Variants in NBPF12 observed in about 807,000 individuals in gnomAD.
NBPF12 encodes the protein NBPF member 12, also known as NBPF family member NBPF12.
NBPF12 carries 115 observed loss-of-function variants against 146.4 expected under a neutral mutation model. The ratio of observed to expected loss-of-function variants is 0.79; its 90% CI spans 0.68 to 0.92. The LOEUF is 0.92. Ranked by LOEUF, NBPF12 falls within the 40% of genes least tolerant of loss-of-function variation. The pLI is 0.00. For synonymous variants in NBPF12, 385 were observed against 508.9 expected, an observed-to-expected ratio of 0.76 and a Z score of 3.28; for missense variants, 1,205 against 1,326.8, an observed-to-expected ratio of 0.91 and a Z score of 1.43.
chr1:146,940,635 TGGG>T (rs1654759035), intron 1 of NBPF12, among the ~76,000 whole-genome samples: 1 of 151,856 alleles, frequency 6.6e-6, no homozygotes, highest in Non-Finnish European at 1.5e-5. Context: ...ATTACTATAT[TGGG>T]GTATATATGT....
rs1488977121 is a variant in NBPF12, at chr1:146,938,999, A to T, written c.-822+17A>T. The T allele has an allele frequency of 3.3e-5, 5 of 152,366 alleles. No individual in the cohort carries two copies. The East Asian group carries it at 9.7e-4, about 29-fold the overall frequency. 9.4% of individuals were successfully genotyped at this position (152,366 alleles called of 1,614,324 possible). A position where few individuals can be genotyped will look rare whatever the true frequency, so the allele number is the denominator to read the frequency against. On this transcript the variant is annotated intron_variant, in intron 1 of 35. Coordinates refer to the NBPF12 transcript ENST00000617931. ...GTTCCGGAGGTGAGGGCGCCGCGCC[A>T]GGCCGGGCGGCAGGTGAGTCTGGGA...
intron 2 of NBPF12, among the ~76,000 whole-genome samples, chr1:146,952,533 C>G (rs1277765868): frequency 5.3e-5 from 8 of 150,898 alleles, no homozygotes; most frequent in Non-Finnish European, 1.2e-4. Context: ...ATCTTGACTC[C>G]TGGTTGAGTG....
chr1:146,964,071 ACAGCTGC>A (rs1656033371), intron 6 of NBPF12, among the ~76,000 whole-genome samples: 1 of 132,048 alleles, frequency 7.6e-6, no homozygotes, highest in South Asian at 3.0e-4. Context: ...GATGGGGGAG[ACAGCTGC>A]CAAAGTCCAG....
intron 2 of NBPF12, among the ~76,000 whole-genome samples, chr1:146,955,015 C>T (rs1357901126): frequency 4.5e-4 from 33 of 73,848 alleles, no homozygotes; most frequent in Non-Finnish European, 7.0e-4. Context: ...TATATATATA[C>T]ACACACACAC....
chr1:146,948,377 G>A (rs1291740766), upstream of NBPF12, among the ~76,000 whole-genome samples: 1 of 151,734 alleles, frequency 6.6e-6, no homozygotes, highest in Admixed American at 6.6e-5. Context: ...AGACATAAGA[G>A]ACTCCATTTT....
intron 20 of NBPF12, chr1:146,983,436 G>C: frequency 6.2e-6 from 3 of 481,214 alleles, no homozygotes; most frequent in Non-Finnish European, 7.0e-6. Context: ...AATGTCTCTT[G>C]CCAGCTACAA....
At chr1:146,960,765 G>C (rs1471162187) in intron 4 of NBPF12, among the ~76,000 whole-genome samples, 3 of 151,994 alleles carry the variant, frequency 2.0e-5, no homozygotes, top group Non-Finnish European at 4.4e-5. Context: ...GGGGAACTTG[G>C]TGATAGTACC....
chr1:146,970,735 C>A lies in NBPF12; in HGVS notation c.1379+16C>A. The A allele has an allele frequency of 7.5e-7, 1 of 1,333,176 alleles. No individual in the cohort carries two copies. Among genetic ancestry groups the A allele is most frequent in the Non-Finnish European group, 1.1e-6 (1 of 926,512 alleles). The allele number at this position is 1,333,176 out of a possible 1,614,324, so 82.6% of individuals were successfully genotyped here. A position where few individuals can be genotyped will look rare whatever the true frequency, so the allele number is the denominator to read the frequency against. ...CTTCCCCCAGGTGACACTGAATACT[C>A]AGGAGCAAGTAATGGGTGTTAACAT... On this transcript the variant is annotated intron_variant, in intron 12 of 33. Coordinates refer to ENST00000617844, the Ensembl canonical transcript of NBPF12.
intron 6 of NBPF12, 109 bp from the exon 10 acceptor site, chr1:146,964,248 G>A: frequency 2.0e-6 from 3 of 1,516,424 alleles, no homozygotes; most frequent in East Asian, 2.3e-5. Flanking sequence ...AGAGTTTTCA[G>A]TACAATGCTG....
At chr1:146,992,037 C>T (rs1658196523) in exon 31 of NBPF12, 1 of 553,146 alleles carries the variant, frequency 1.8e-6, no homozygotes, top group African/African-American at 2.5e-5. Context: ...CAAGGCCCAC[C>T]ATGCCCCAGG....
chr1:146,948,072 G>C (rs1469627550), upstream of NBPF12, among the ~76,000 whole-genome samples: 1 of 151,826 alleles, frequency 6.6e-6, no homozygotes, highest in East Asian at 1.9e-4. Context: ...ATGCAACGGC[G>C]CCATCTCAGC....
Position 146,970,727 on chromosome 1 carries a change from T to G in NBPF12, c.1379+8T>G, listed in dbSNP as rs1180712907. ...GGAATCATCTTCCCCCAGGTGACAC[T>G]GAATACTCAGGAGCAAGTAATGGGT... On this transcript the variant is annotated splice_region_variant and intron_variant, in intron 12 of 33. Coordinates refer to ENST00000617844, the Ensembl canonical transcript of NBPF12. 7.4e-7 allele frequency: 1 copy of G among 1,349,388 alleles called. No individual in the cohort carries two copies. Among genetic ancestry groups the G allele is most frequent in the Non-Finnish European group, 1.1e-6 (1 of 941,460 alleles). The allele number at this position is 1,349,388 out of a possible 1,614,324, so 83.6% of individuals were successfully genotyped here. A position where few individuals can be genotyped will look rare whatever the true frequency, so the allele number is the denominator to read the frequency against.
At chr1:146,953,477 G>C (rs1403038095) in intron 2 of NBPF12, among the ~76,000 whole-genome samples, 2 of 133,706 alleles carry the variant, frequency 1.5e-5, no homozygotes, top group Non-Finnish European at 3.1e-5. Context: ...CCAAAGTGCT[G>C]GGATTACAGG....
chr1:146,962,304 T>C, intron 5 of NBPF12, 41 bp downstream of exon 8: 2 of 1,528,918 alleles, frequency 1.3e-6, no homozygotes, highest in Non-Finnish European at 9.0e-7. Flanking sequence ...GGTAGGTGTG[T>C]AGATCTCTGA....
At chr1:146,954,991 T>C (rs1570827668) in intron 2 of NBPF12, among the ~76,000 whole-genome samples, 4 of 63,040 alleles carry the variant, frequency 6.3e-5, no homozygotes, top group Admixed American at 2.2e-4. Context: ...TATATATATA[T>C]ATATATATAT....
chr1:146,945,014 C>CCCTCCCTTCCTT (rs1654976203), upstream of NBPF12, among the ~76,000 whole-genome samples: 3 of 32,110 alleles, frequency 9.3e-5, no homozygotes, highest in Admixed American at 4.4e-4. Flanking sequence ...CTTCCTTCCT[C>CCCTCCCTTCCTT]CCTCCCTCCC....
intron 6 of NBPF12, 27 bp from the exon 10 acceptor site, chr1:146,964,330 A>G: frequency 6.5e-7 from 1 of 1,528,024 alleles, no homozygotes; most frequent in East Asian, 2.2e-5. Flanking sequence ...AGTGGGACAT[A>G]TCTGAATGAA....
In NBPF12 at chr1:146,969,659, A is replaced by T. The variant is rs1473332137; in HGVS notation, c.1306+63A>T. On this transcript the variant is annotated intron_variant, in intron 11 of 33. Coordinates refer to ENST00000617844, the Ensembl canonical transcript of NBPF12. ...GGCTTATGAGAGGCTCCAGACCTCC[A>T]TACTTTCACAATGACAGTTGTATCA... 3.3e-6 allele frequency: 5 copies of T among 1,538,152 alleles called. No individual in the cohort carries two copies. The Admixed American group carries it at 6.7e-5, about 21-fold the overall frequency.
At chr1:146,981,520 C>T (rs1470333794) in intron 19 of NBPF12, among the ~76,000 whole-genome samples, 3 of 151,358 alleles carry the variant, frequency 2.0e-5, no homozygotes, top group Non-Finnish European at 4.4e-5. Flanking sequence ...GTGAATCTGA[C>T]AATTATGTGT....
Sources: allele counts gnomAD v4.1 joint callset (sites outside exome capture counted in the v4.1 genomes callset), GRCh38; gene constraint gnomAD v4.1.1; transcripts MANE v1.5; gene names NCBI Gene and HGNC (gene_info 2026-07-23, HGNC 2026-07-21).